MAP4K4: variants seen among roughly 807,000 people sequenced by gnomAD.
MAP4K4 encodes the protein HPK/GCK-like kinase HGK.
MAP4K4 carries 38 observed loss-of-function variants against 189.6 expected under a neutral mutation model. That is an observed-to-expected ratio of 0.20 (90% CI 0.15 to 0.26). The LOEUF (loss-of-function observed/expected upper bound fraction) is 0.26, where lower values mean the gene tolerates loss of function less well. MAP4K4 is among the 10% of genes least tolerant of loss of function. The pLI, the probability that MAP4K4 is intolerant of heterozygous loss-of-function variation, is 1.00. For missense variants in MAP4K4, 1,054 were observed against 1,726.9 expected, an observed-to-expected ratio of 0.61 and a Z score of 6.91; for synonymous variants, 610 against 624.3, an observed-to-expected ratio of 0.98 and a Z score of 0.34.
chr2:101,779,990 A>G (rs1256534856), intron 2 of MAP4K4, among the ~76,000 whole-genome samples: 6 of 152,218 alleles, frequency 3.9e-5, no homozygotes, highest in East Asian at 1.9e-4. Flanking sequence ...ACTGGCTGCA[A>G]CACAACAACA....
exon 16 of MAP4K4, chr2:101,860,965 G>A: frequency 6.2e-7 from 1 of 1,600,594 alleles, no homozygotes. Flanking sequence ...ATCCCGCCCT[G>A]CAGAGACCAG....
chr2:101,739,834 C>T (rs1230983260), intron 2 of MAP4K4, among the ~76,000 whole-genome samples: 1 of 152,176 alleles, frequency 6.6e-6, no homozygotes, highest in East Asian at 1.9e-4. Flanking sequence ...ACCTTGGGAC[C>T]ATCAGAATGG....
chr2:101,840,894 T>C (rs770884660), intron 10 of MAP4K4, among the ~76,000 whole-genome samples: 3 of 152,232 alleles, frequency 2.0e-5, no homozygotes, highest in Non-Finnish European at 4.4e-5. Context: ...CCTTCTGATA[T>C]ACTTAGTTAT....
At chr2:101,762,385 C>A (rs2076870738) in intron 2 of MAP4K4, among the ~76,000 whole-genome samples, 2 of 152,164 alleles carry the variant, frequency 1.3e-5, no homozygotes, top group African/African-American at 2.4e-5. Flanking sequence ...GCATCCTTGT[C>A]CCCCTGGGCA....
chr2:101,871,289 C>T (rs1345477159), intron 23 of MAP4K4, among the ~76,000 whole-genome samples: 1 of 152,198 alleles, frequency 6.6e-6, no homozygotes, highest in Non-Finnish European at 1.5e-5. Context: ...GCCGTGCAGC[C>T]ACCAGATTAG....
chr2:101,757,954 GA>G (rs1457915446), intron 2 of MAP4K4, among the ~76,000 whole-genome samples: 3 of 152,218 alleles, frequency 2.0e-5, no homozygotes, highest in Non-Finnish European at 4.4e-5. Flanking sequence ...GAACCTGGGA[GA>G]TGGAGGTTGC....
chr2:101,775,034 C>CTT (rs77977516), intron 2 of MAP4K4, among the ~76,000 whole-genome samples: 96 of 129,032 alleles, frequency 7.4e-4, no homozygotes, highest in East Asian at 5.9e-3. Context: ...CCTATCCCCT[C>CTT]TTTTTTTTTT....
At chr2:101,866,666 G>T (rs191281604) in intron 19 of MAP4K4, 87 bp downstream of exon 19, 13 of 1,489,036 alleles carry the variant, frequency 8.7e-6, no homozygotes, top group South Asian at 2.4e-5. Context: ...TGTAGTTTGC[G>T]TGTAGCCACA....
At chr2:101,703,951 G>A (rs1417464830) in intron 2 of MAP4K4, among the ~76,000 whole-genome samples, 1 of 152,088 alleles carries the variant, frequency 6.6e-6, no homozygotes, top group Admixed American at 6.6e-5. Context: ...GGAGGTGGAG[G>A]TTGAAGTGAG....
intron 2 of MAP4K4, among the ~76,000 whole-genome samples, chr2:101,773,924 C>T (rs1185364822): frequency 6.6e-6 from 1 of 152,164 alleles, no homozygotes; most frequent in Non-Finnish European, 1.5e-5. Flanking sequence ...TCTTATACTC[C>T]ATTGTGTATA....
chr2:101,726,919 T>C (rs2055721705), intron 2 of MAP4K4, among the ~76,000 whole-genome samples: 1 of 152,178 alleles, frequency 6.6e-6, no homozygotes, highest in Non-Finnish European at 1.5e-5. Flanking sequence ...GGTGGGGGAC[T>C]TTCTTGTTGA....
intron 2 of MAP4K4, among the ~76,000 whole-genome samples, chr2:101,767,912 T>G (rs942004244): frequency 1.3e-5 from 2 of 152,248 alleles, no homozygotes; most frequent in Non-Finnish European, 2.9e-5. Flanking sequence ...CCCCTTACTT[T>G]TCCACAAATG....
chr2:101,887,374 G>A (rs1476179814), intron 30 of MAP4K4, 137 bp downstream of exon 30: 22 of 828,080 alleles, frequency 2.7e-5, no homozygotes, highest in Admixed American at 1.0e-4. Context: ...TAAATGATAC[G>A]CAATTTTCAA....
At chr2:101,723,921 C>A (rs1286229205) in intron 2 of MAP4K4, among the ~76,000 whole-genome samples, 1 of 152,056 alleles carries the variant, frequency 6.6e-6, no homozygotes, top group Non-Finnish European at 1.5e-5. Flanking sequence ...GGCTCCTGGC[C>A]ACCATTGTTT....
chr2:101,839,933 G>A, exon 10 of MAP4K4: 1 of 1,613,898 alleles, frequency 6.2e-7, no homozygotes, highest in Non-Finnish European at 8.5e-7. Context: ...CAAATGAAAG[G>A]CAAGTTAGAA....
At chr2:101,879,724 C>T (rs1386055361) in intron 27 of MAP4K4, among the ~76,000 whole-genome samples, 3 of 152,148 alleles carry the variant, frequency 2.0e-5, no homozygotes, top group African/African-American at 7.2e-5. Flanking sequence ...GGGACTGCCC[C>T]CAGAGGCAAG....
At chr2:101,750,665 A>AT (rs1558724614) in intron 2 of MAP4K4, among the ~76,000 whole-genome samples, 11 of 146,652 alleles carry the variant, frequency 7.5e-5, no homozygotes, top group Admixed American at 2.1e-4. Flanking sequence ...TATATATATA[A>AT]AAAAAAAAAG....
intron 9 of MAP4K4, among the ~76,000 whole-genome samples, chr2:101,837,934 A>G (rs755104477): frequency 5.3e-5 from 8 of 152,190 alleles, no homozygotes; most frequent in Admixed American, 3.3e-4. Flanking sequence ...GGCATATTTC[A>G]TCCATTTTAT....
intron 29 of MAP4K4, 28 bp downstream of exon 29, chr2:101,885,315 A>C (rs371098765): frequency 2.2e-6 from 3 of 1,340,140 alleles, no homozygotes; most frequent in Non-Finnish European, 3.1e-6. Flanking sequence ...ATTTAAAAGT[A>C]GTATTGGCCA....
Sources: gnomAD v4.1 joint callset for allele counts (sites outside exome capture counted in the v4.1 genomes callset) on GRCh38, gnomAD v4.1.1 for gene constraint, MANE v1.5 for transcripts, NCBI Gene and HGNC (gene_info 2026-07-23, HGNC 2026-07-21) for gene names.